SLC44A5: variants seen among roughly 807,000 people sequenced by gnomAD.
SLC44A5 encodes the protein choline transporter-like protein 5.
SLC44A5 carries 57 observed loss-of-function variants against 101.8 expected under a neutral mutation model. The observed-to-expected ratio is 0.56, with a 90% confidence interval of 0.45 to 0.70. The LOEUF (loss-of-function observed/expected upper bound fraction) is 0.70, where lower values mean the gene tolerates loss of function less well. Ranked by LOEUF, SLC44A5 falls within the 30% of genes least tolerant of loss-of-function variation. The probability of loss-of-function intolerance (pLI) is 0.00; values close to 1 mark genes in which losing one functional copy is unlikely to be tolerated. For synonymous variants in SLC44A5, 281 were observed against 290.9 expected (o/e 0.97, Z 0.35); for missense variants, 737 against 853.1 (o/e 0.86, Z 1.70).
chr1:75,723,803 C>G, the SLC44A5 span: 95,445 of 152,072 alleles, frequency 0.63, 30,090 homozygotes, highest in South Asian at 0.72. Context: ...GACTAACACA[C>G]TATAAATTCC....
the SLC44A5 span, among the ~76,000 whole-genome samples, chr1:75,645,459 C>A: frequency 2.3e-3 from 344 of 152,068 alleles, 2 homozygotes; most frequent in African/African-American, 7.9e-3. Context: ...CCTTCGCCCA[C>A]TTGTTGATGG....
chr1:75,457,184 C>A (rs1414912815), intron 2 of SLC44A5, among the ~76,000 whole-genome samples: 5 of 152,032 alleles, frequency 3.3e-5, no homozygotes, highest in African/African-American at 1.2e-4. Context: ...CCTGTTAATG[C>A]AGTAATAAAA....
chr1:75,627,470 G>T, the SLC44A5 span, among the ~76,000 whole-genome samples: 2 of 151,976 alleles, frequency 1.3e-5, no homozygotes, highest in Non-Finnish European at 2.9e-5. Context: ...TTGAGGCCAG[G>T]AGTTCAAGAC....
intron 2 of SLC44A5, among the ~76,000 whole-genome samples, chr1:75,474,575 G>A (rs564381299): frequency 1.4e-4 from 21 of 152,226 alleles, no homozygotes; most frequent in African/African-American, 3.4e-4. Context: ...AGACATTTAC[G>A]TGTAATGTTA....
At chr1:75,346,612 C>T (rs533698789) in intron 3 of SLC44A5, among the ~76,000 whole-genome samples, 1 of 152,118 alleles carries the variant, frequency 6.6e-6, no homozygotes, top group Admixed American at 6.6e-5. Flanking sequence ...GATAATCACA[C>T]ATCATCTCAG....
chr1:75,292,406 A>G (rs549268043), intron 5 of SLC44A5, among the ~76,000 whole-genome samples: 1 of 152,340 alleles, frequency 6.6e-6, no homozygotes, highest in South Asian at 2.1e-4. Context: ...TGGGAGACCC[A>G]TGAAATCCTT....
At chr1:75,588,640 G>A (rs1026972904) in intron 1 of SLC44A5, among the ~76,000 whole-genome samples, 5 of 152,054 alleles carry the variant, frequency 3.3e-5, no homozygotes, top group Non-Finnish European at 5.9e-5. Context: ...AAAATCATTT[G>A]GGGAACATTG....
chr1:75,444,475 G>A (rs796282477), intron 2 of SLC44A5, among the ~76,000 whole-genome samples: 12 of 118,576 alleles, frequency 1.0e-4, no homozygotes, highest in East Asian at 6.6e-4. Context: ...AAAAGAAAGA[G>A]AAAGAAAGAA....
chr1:75,259,698 T>A (rs1050615539), intron 6 of SLC44A5, among the ~76,000 whole-genome samples: 1 of 151,976 alleles, frequency 6.6e-6, no homozygotes, highest in African/African-American at 2.4e-5. Context: ...AGATATTCCT[T>A]GAGAAGAGCA....
chr1:75,592,807 A>C (rs2102115960), intron 1 of SLC44A5, among the ~76,000 whole-genome samples: 1 of 152,254 alleles, frequency 6.6e-6, no homozygotes, highest in East Asian at 1.9e-4. Context: ...GAAGAATGAA[A>C]TTAGACCCCT....
At chr1:75,630,049 A>T in the SLC44A5 span, among the ~76,000 whole-genome samples, 15 of 152,260 alleles carry the variant, frequency 9.9e-5, no homozygotes, top group East Asian at 2.1e-3. Context: ...TTCTAGCTCC[A>T]TCCCCCCAAT....
intron 2 of SLC44A5, among the ~76,000 whole-genome samples, chr1:75,500,256 A>T (rs942334471): frequency 1.3e-5 from 2 of 152,212 alleles, no homozygotes. Context: ...TCATGCATCA[A>T]AATGGACTAC....
chr1:75,384,929 A>C (rs1027948958), intron 3 of SLC44A5, among the ~76,000 whole-genome samples: 2 of 150,946 alleles, frequency 1.3e-5, no homozygotes, highest in African/African-American at 4.8e-5. Context: ...AACTACATGG[A>C]AACTGAACAA....
chr1:75,240,022 C>T (rs1049818328), intron 9 of SLC44A5, among the ~76,000 whole-genome samples: 5 of 151,954 alleles, frequency 3.3e-5, no homozygotes, highest in African/African-American at 1.2e-4. Context: ...CTAGAGGGTC[C>T]CTTGACCTTA....
chr1:75,315,109 T>C (rs1272936175), intron 4 of SLC44A5, among the ~76,000 whole-genome samples: 1 of 152,138 alleles, frequency 6.6e-6, no homozygotes, highest in African/African-American at 2.4e-5. Context: ...GGATTATTTA[T>C]GCAGTATTTG....
chr1:75,671,344 A>G, the SLC44A5 span, among the ~76,000 whole-genome samples: 2 of 152,224 alleles, frequency 1.3e-5, no homozygotes, highest in African/African-American at 2.4e-5. Context: ...TAGGAGGAGC[A>G]GTCTCTTCAA....
At chr1:75,622,395 G>A in the SLC44A5 span, among the ~76,000 whole-genome samples, 3 of 151,932 alleles carry the variant, frequency 2.0e-5, no homozygotes, top group Non-Finnish European at 2.9e-5. Flanking sequence ...AACTGTCATC[G>A]AACCTCTAGA....
intron 2 of SLC44A5, among the ~76,000 whole-genome samples, chr1:75,403,430 C>A (rs1662631733): frequency 6.6e-6 from 1 of 152,164 alleles, no homozygotes; most frequent in South Asian, 2.1e-4. Flanking sequence ...GGTCGACAGA[C>A]ACCTAATAGA....
the SLC44A5 span, among the ~76,000 whole-genome samples, chr1:75,675,713 TTAAAC>T: frequency 1.3e-5 from 2 of 152,080 alleles, no homozygotes; most frequent in African/African-American, 4.8e-5. Flanking sequence ...TGGGATCTAA[TTAAAC>T]TAAAGAGCTT....
Sources: gnomAD v4.1 joint callset for allele counts (sites outside exome capture counted in the v4.1 genomes callset) on GRCh38, gnomAD v4.1.1 for gene constraint, MANE v1.5 for transcripts, NCBI Gene and HGNC (gene_info 2026-07-23, HGNC 2026-07-21) for gene names.